The following NRXN1 variants were observed in gnomAD, a reference collection of about 807,000 sequenced individuals.
The protein encoded by NRXN1 is neurexin-1.
Under a neutral mutation model 150.9 loss-of-function variants are expected in NRXN1, and 39 were observed. The observed-to-expected ratio is 0.26, with a 90% confidence interval of 0.20 to 0.34. The LOEUF (loss-of-function observed/expected upper bound fraction) is 0.34. Ranked by LOEUF, NRXN1 falls within the 10% of genes least tolerant of loss-of-function variation. NRXN1 has a pLI of 1.00. For missense variants in NRXN1, 1,815 were observed against 1,949.9 expected (o/e 0.93, Z 1.30); for synonymous variants, 924 against 757.0 (o/e 1.22, Z -3.62).
intron 17 of NRXN1, among the ~76,000 whole-genome samples, chr2:50,311,807 C>T (rs898517331): frequency 2.0e-5 from 3 of 152,096 alleles, no homozygotes; most frequent in Admixed American, 2.0e-4. Flanking sequence ...TCTGTGGTTC[C>T]TAACTGTCAC....
intron 5 of NRXN1, among the ~76,000 whole-genome samples, chr2:50,832,528 C>T (rs368112877): frequency 6.6e-6 from 1 of 152,104 alleles, no homozygotes; most frequent in Non-Finnish European, 1.5e-5. Context: ...TGGCAGGCAC[C>T]TGTAATCACA....
At chr2:50,222,991 T>A (rs1246660532) in intron 18 of NRXN1, among the ~76,000 whole-genome samples, 1 of 151,970 alleles carries the variant, frequency 6.6e-6, no homozygotes, top group Non-Finnish European at 1.5e-5. Context: ...ATTTTTATGA[T>A]TTAAAAATTA....
intron 5 of NRXN1, among the ~76,000 whole-genome samples, chr2:50,881,028 T>G (rs955758717): frequency 1.4e-4 from 21 of 151,928 alleles, no homozygotes; most frequent in African/African-American, 4.6e-4. Flanking sequence ...TTTAGATTAT[T>G]AAGTAGCATC....
chr2:49,971,474 G>T (rs546929946), intron 21 of NRXN1, among the ~76,000 whole-genome samples: 18 of 152,122 alleles, frequency 1.2e-4, no homozygotes, highest in African/African-American at 4.3e-4. Flanking sequence ...AACAGTTCAG[G>T]ACTCTTGTAG....
intron 18 of NRXN1, among the ~76,000 whole-genome samples, chr2:50,221,200 G>C (rs551666540): frequency 6.6e-6 from 1 of 152,026 alleles, no homozygotes; most frequent in Non-Finnish European, 1.5e-5. Context: ...ACAAAGAACT[G>C]AATCCCTCTT....
intron 5 of NRXN1, among the ~76,000 whole-genome samples, chr2:50,813,762 C>T (rs1255336193): frequency 6.6e-6 from 1 of 152,032 alleles, no homozygotes; most frequent in Non-Finnish European, 1.5e-5. Flanking sequence ...GCTCAAAATC[C>T]ACATTTCCAT....
chr2:50,639,775 A>T (rs1282283512), intron 5 of NRXN1, among the ~76,000 whole-genome samples: 1 of 152,178 alleles, frequency 6.6e-6, no homozygotes, highest in Non-Finnish European at 1.5e-5. Flanking sequence ...TGAAGTAATC[A>T]TCCCAACTAC....
At chr2:51,018,537 A>C (rs978384562) in intron 2 of NRXN1, among the ~76,000 whole-genome samples, 17 of 152,210 alleles carry the variant, frequency 1.1e-4, no homozygotes, top group Middle Eastern at 3.4e-3. Flanking sequence ...GTTCAATTTC[A>C]AGCTATGTGT....
At chr2:50,549,022 T>C (rs948843390) in intron 9 of NRXN1, among the ~76,000 whole-genome samples, 1 of 152,142 alleles carries the variant, frequency 6.6e-6, no homozygotes, top group Non-Finnish European at 1.5e-5. Flanking sequence ...GTTACCCTCT[T>C]GTCATAGCAG....
Position 51,026,576 on chromosome 2 carries a change from T to TA in NRXN1, c.772+925dup. 5.7e-6 allele frequency: 4 copies of TA among 700,328 alleles called. 1 individual carries two copies. Among genetic ancestry groups the TA allele is most frequent in the Middle Eastern group, 2.5e-4 (1 of 4,024 alleles). The allele number at this position is 700,328 out of a possible 1,614,324, so 43.4% of individuals were successfully genotyped here. On this transcript the variant is annotated intron_variant, in intron 2 of 22. Coordinates refer to ENST00000401669, the MANE Select transcript of NRXN1 (RefSeq NM_001330078.2). ...TACAACTTGGCCTCCACTACCCAGA[T>TA]AAATGTCATTAGCCGAATATCCTTA...
intron 18 of NRXN1, among the ~76,000 whole-genome samples, chr2:50,149,465 T>G (rs897143403): frequency 4.6e-5 from 7 of 151,758 alleles, no homozygotes; most frequent in Non-Finnish European, 8.8e-5. Flanking sequence ...GCAAATGATA[T>G]GGAATACCAT....
chr2:49,997,371 T>C (rs1683169099), intron 21 of NRXN1, among the ~76,000 whole-genome samples: 1 of 152,200 alleles, frequency 6.6e-6, no homozygotes, highest in Non-Finnish European at 1.5e-5. Flanking sequence ...GAAGTGATTT[T>C]ATATTAAGTA....
chr2:50,857,307 G>C (rs541907837), intron 5 of NRXN1, among the ~76,000 whole-genome samples: 1 of 152,134 alleles, frequency 6.6e-6, no homozygotes, highest in South Asian at 2.1e-4. Flanking sequence ...TGGGGTGGGG[G>C]AAATGGTGAA....
chr2:50,322,620 A>T (rs903234985), intron 17 of NRXN1, among the ~76,000 whole-genome samples: 1 of 152,198 alleles, frequency 6.6e-6, no homozygotes, highest in African/African-American at 2.4e-5. Flanking sequence ...TATGAATTTA[A>T]ATACGCATTC....
intron 21 of NRXN1, among the ~76,000 whole-genome samples, chr2:50,003,949 T>G (rs1023198260): frequency 1.3e-5 from 2 of 152,240 alleles, no homozygotes; most frequent in South Asian, 4.1e-4. Flanking sequence ...TTCCTGACAA[T>G]GAAATCTAGT....
At chr2:50,079,941 T>C (rs975101599) in intron 19 of NRXN1, among the ~76,000 whole-genome samples, 8 of 152,100 alleles carry the variant, frequency 5.3e-5, no homozygotes, top group African/African-American at 1.9e-4. Flanking sequence ...AAATATTAAA[T>C]GGAAAATTTT....
At chr2:50,263,852 T>G (rs991780473) in intron 17 of NRXN1, among the ~76,000 whole-genome samples, 33 of 152,104 alleles carry the variant, frequency 2.2e-4, no homozygotes, top group African/African-American at 7.5e-4. Flanking sequence ...CTCTATTGAT[T>G]GGCTATTTGG....
intron 7 of NRXN1, chr2:50,620,853 G>T (rs987947447): frequency 4.2e-6 from 1 of 240,956 alleles, no homozygotes; most frequent in Non-Finnish European, 7.9e-6. Flanking sequence ...AGTGGGTGTG[G>T]CATCTCCAGC....
At chr2:49,950,497 T>G (rs148940426) in intron 21 of NRXN1, among the ~76,000 whole-genome samples, 68 of 152,130 alleles carry the variant, frequency 4.5e-4, no homozygotes, top group Admixed American at 1.3e-4. Flanking sequence ...CGTAGCATTT[T>G]CTGATAGGCA....
Sources: gnomAD v4.1 joint callset for allele counts (sites outside exome capture counted in the v4.1 genomes callset) on GRCh38, gnomAD v4.1.1 for gene constraint, MANE v1.5 for transcripts, NCBI Gene and HGNC (gene_info 2026-07-23, HGNC 2026-07-21) for gene names.